Variants in CDKAL1 observed in about 807,000 individuals in gnomAD.
CDKAL1 encodes the protein threonylcarbamoyladenosine tRNA methylthiotransferase.
CDKAL1 carries 32 observed loss-of-function variants against 68.2 expected under a neutral mutation model. The ratio of observed to expected loss-of-function variants is 0.47; its 90% CI spans 0.35 to 0.63. The LOEUF (loss-of-function observed/expected upper bound fraction) is 0.63. Ranked by LOEUF, CDKAL1 falls within the 30% of genes least tolerant of loss-of-function variation. The probability of loss-of-function intolerance (pLI) is 0.00; values close to 1 mark genes in which losing one functional copy is unlikely to be tolerated. For missense variants in CDKAL1, 606 were observed against 696.7 expected, an observed-to-expected ratio of 0.87 and a Z score of 1.47; for synonymous variants, 234 against 244.3, an observed-to-expected ratio of 0.96 and a Z score of 0.39.
intron 5 of CDKAL1, among the ~76,000 whole-genome samples, chr6:20,720,984 T>C (rs1562052024): frequency 6.6e-6 from 1 of 152,240 alleles, no homozygotes; most frequent in African/African-American, 2.4e-5. Context: ...TATTATACTT[T>C]AAGTTCTAGG....
At chr6:20,538,434 A>G (rs10484635) in intron 2 of CDKAL1, among the ~76,000 whole-genome samples, 13,844 of 152,184 alleles carry the variant, frequency 0.091, 735 homozygotes, top group African/African-American at 0.12. Flanking sequence ...AGCTCTATCA[A>G]TGTACAAATC....
chr6:20,845,507 G>T (rs1174788234), intron 8 of CDKAL1, among the ~76,000 whole-genome samples: 5 of 151,882 alleles, frequency 3.3e-5, no homozygotes, highest in African/African-American at 1.2e-4. Flanking sequence ...TAGTCTCAGA[G>T]AATTATTCAT....
At chr6:20,716,553 C>T (rs546961383) in intron 5 of CDKAL1, among the ~76,000 whole-genome samples, 5 of 151,670 alleles carry the variant, frequency 3.3e-5, no homozygotes, top group South Asian at 4.2e-4. Context: ...AGAGAGCAAT[C>T]GGGTAACTGC....
intron 4 of CDKAL1, among the ~76,000 whole-genome samples, chr6:20,595,062 CT>C (rs1765762443): frequency 6.6e-6 from 1 of 152,160 alleles, no homozygotes; most frequent in Non-Finnish European, 1.5e-5. Context: ...ATGGGCTTCC[CT>C]TTGTGGGTAA....
At chr6:20,713,341 TA>T (rs1295161417) in intron 5 of CDKAL1, among the ~76,000 whole-genome samples, 7 of 151,978 alleles carry the variant, frequency 4.6e-5, no homozygotes, top group Non-Finnish European at 1.0e-4. Context: ...CTGCCATTTT[TA>T]TATGTTTTGT....
At position 21,184,755 on chromosome 6, in the gene CDKAL1, A is replaced by G. The variant is rs532679998; in HGVS notation, c.1300-13266A>G. Among the ~76,000 whole-genome samples, 23 of 151,732 alleles carry G rather than the reference A, an allele frequency of 1.5e-4. No individual in the cohort carries two copies. The East Asian group carries it at 1.6e-3, about 10-fold the overall frequency. On this transcript the variant is annotated intron_variant, in intron 13 of 15. Coordinates refer to ENST00000274695, the MANE Select transcript of CDKAL1 (RefSeq NM_017774.3). Reference sequence around the variant, plus strand: ...TGCCTTGACCTCCTGGGCACAAGCAATCCTCCCACCTCAGCCTCTGGAGTA... The same window carrying G: ...TGCCTTGACCTCCTGGGCACAAGCAGTCCTCCCACCTCAGCCTCTGGAGTA...
At chr6:20,712,914 A>G (rs1239521106) in intron 5 of CDKAL1, among the ~76,000 whole-genome samples, 1 of 152,318 alleles carries the variant, frequency 6.6e-6, no homozygotes, top group East Asian at 1.9e-4. Flanking sequence ...TGCTGGGATT[A>G]CAGGCCTGAG....
At chr6:20,875,694 C>A (rs143270540) in intron 9 of CDKAL1, among the ~76,000 whole-genome samples, 1,727 of 152,170 alleles carry the variant, frequency 0.011, 14 homozygotes, top group Non-Finnish European at 0.015. Flanking sequence ...AAAATAGGGT[C>A]TGTAAAGCTA....
chr6:20,941,503 A>G (rs922451062), intron 9 of CDKAL1, among the ~76,000 whole-genome samples: 1 of 152,220 alleles, frequency 6.6e-6, no homozygotes, highest in Non-Finnish European at 1.5e-5. Flanking sequence ...GAAGTGGATA[A>G]AGAGTTTTGG....
intron 11 of CDKAL1, among the ~76,000 whole-genome samples, chr6:21,009,336 T>C (rs1767893208): frequency 6.6e-6 from 1 of 152,218 alleles, no homozygotes; most frequent in Non-Finnish European, 1.5e-5. Flanking sequence ...TGAATAGAAA[T>C]GTTATATTAT....
At chr6:20,552,669 AT>A (rs1169199075) in intron 4 of CDKAL1, among the ~76,000 whole-genome samples, 1 of 141,180 alleles carries the variant, frequency 7.1e-6, no homozygotes, top group Admixed American at 7.1e-5. Context: ...TTTATATATT[AT>A]ATGTATTTGT....
intron 11 of CDKAL1, among the ~76,000 whole-genome samples, chr6:21,056,677 A>G (rs1204794952): frequency 6.6e-6 from 1 of 152,088 alleles, no homozygotes; most frequent in Non-Finnish European, 1.5e-5. Context: ...AATGGCTCTT[A>G]TTATTTTCAG....
At chr6:20,746,933 A>G (rs1485854162) in intron 6 of CDKAL1, among the ~76,000 whole-genome samples, 4 of 152,156 alleles carry the variant, frequency 2.6e-5, no homozygotes, top group African/African-American at 9.6e-5. Context: ...TGATGTAATT[A>G]GATCTCTAGA....
chr6:20,999,595 T>C (rs970697898), intron 10 of CDKAL1, among the ~76,000 whole-genome samples: 21 of 145,900 alleles, frequency 1.4e-4, no homozygotes, highest in Non-Finnish European at 2.8e-4. Flanking sequence ...AGTGGTGAAG[T>C]GGCTGGCCTC....
intron 5 of CDKAL1, among the ~76,000 whole-genome samples, chr6:20,714,280 TA>T (rs1302128807): frequency 3.3e-5 from 5 of 151,420 alleles, no homozygotes. Context: ...AATATTAAAA[TA>T]TTTTTTATTA....
At chr6:21,173,294 A>G (rs1429467273) in intron 13 of CDKAL1, among the ~76,000 whole-genome samples, 2 of 152,032 alleles carry the variant, frequency 1.3e-5, no homozygotes, top group Admixed American at 1.3e-4. Context: ...CTAAAGTTGA[A>G]TGTGGTGTTT....
At chr6:20,832,573 T>A (rs1206299422) in intron 8 of CDKAL1, among the ~76,000 whole-genome samples, 1 of 152,036 alleles carries the variant, frequency 6.6e-6, no homozygotes, top group African/African-American at 2.4e-5. Flanking sequence ...AGAGGTTAGC[T>A]TGAGCCCAAG....
chr6:20,679,157 T>C (rs926043510), intron 5 of CDKAL1, among the ~76,000 whole-genome samples: 1 of 152,210 alleles, frequency 6.6e-6, no homozygotes, highest in African/African-American at 2.4e-5. Flanking sequence ...CAAGCAACCC[T>C]CCTCCTGCCC....
At chr6:20,929,343 G>T (rs1323641474) in intron 9 of CDKAL1, among the ~76,000 whole-genome samples, 2 of 152,144 alleles carry the variant, frequency 1.3e-5, no homozygotes, top group African/African-American at 2.4e-5. Flanking sequence ...TAACCTTGGG[G>T]GCAAGGATAG....
Sources: gnomAD v4.1 joint callset for allele counts (sites outside exome capture counted in the v4.1 genomes callset) on GRCh38, gnomAD v4.1.1 for gene constraint, MANE v1.5 for transcripts, NCBI Gene and HGNC (gene_info 2026-07-23, HGNC 2026-07-21) for gene names.